Variants in SLC9A9 observed in about 807,000 individuals in gnomAD.
SLC9A9 encodes sodium/hydrogen exchanger 9.
SLC9A9 carries 62 observed loss-of-function variants against 77.8 expected under a neutral mutation model. The observed-to-expected ratio is 0.80, with a 90% confidence interval of 0.65 to 0.98. The LOEUF is 0.98. SLC9A9 is among the 50% of genes least tolerant of loss of function. The pLI, the probability that SLC9A9 is intolerant of heterozygous loss-of-function variation, is 0.00. For missense variants in SLC9A9, 775 were observed against 774.9 expected (o/e 1.00, Z 0.00); for synonymous variants, 320 against 283.5 (o/e 1.13, Z -1.29).
chr3:143,755,141 A>C (rs773656415), intron 4 of SLC9A9, among the ~76,000 whole-genome samples: 7 of 152,146 alleles, frequency 4.6e-5, no homozygotes, highest in Non-Finnish European at 1.0e-4. Context: ...GCTAGGAAAT[A>C]GGTGTTTGCA....
chr3:143,526,907 T>C (rs1407996765), intron 9 of SLC9A9, among the ~76,000 whole-genome samples: 1 of 152,170 alleles, frequency 6.6e-6, no homozygotes, highest in Non-Finnish European at 1.5e-5. Context: ...TCTTGTGGGG[T>C]AAGGGGCTTG....
intron 14 of SLC9A9, among the ~76,000 whole-genome samples, chr3:143,306,628 AACAAATACATAAAACCTG>A (rs1228918319): frequency 6.6e-6 from 1 of 152,162 alleles, no homozygotes; most frequent in Non-Finnish European, 1.5e-5. Context: ...ATGCCTGTTA[AACAAATACATAAAACCTG>A]ACCCAGGTCA....
chr3:143,322,350 G>C lies in SLC9A9; in HGVS notation c.1604+41134C>G, dbSNP rs6799800. On this transcript the variant is annotated intron_variant, in intron 14 of 15. Coordinates refer to ENST00000316549, the MANE Select transcript of SLC9A9 (RefSeq NM_173653.4). ...AGAGAGTCTTCAATCTCTCTGGCTT[G>C]CAATTGAGGCATCAGTCTTCTGCCT... 1.4e-4 allele frequency among the ~76,000 whole-genome samples: 21 copies of C among 152,042 alleles called. 1 individual carries two copies. In the South Asian group the frequency reaches 4.4e-3, roughly 32 times the overall value.
chr3:143,771,977 G>A (rs1003347924), intron 4 of SLC9A9, among the ~76,000 whole-genome samples: 8 of 152,044 alleles, frequency 5.3e-5, no homozygotes, highest in Non-Finnish European at 8.8e-5. Flanking sequence ...CTGCTGAGCT[G>A]CGGCTGGGCA....
chr3:143,359,149 T>A (rs2032671792), intron 14 of SLC9A9, among the ~76,000 whole-genome samples: 1 of 152,230 alleles, frequency 6.6e-6, no homozygotes, highest in African/African-American at 2.4e-5. Context: ...GCTACATCAA[T>A]GCCTGAAATG....
At chr3:143,799,059 C>A (rs370633239) in intron 2 of SLC9A9, among the ~76,000 whole-genome samples, 134 of 152,310 alleles carry the variant, frequency 8.8e-4, no homozygotes, top group African/African-American at 3.1e-3. Context: ...AGTCCTCCCC[C>A]ACCTGCCCAG....
intron 12 of SLC9A9, among the ~76,000 whole-genome samples, chr3:143,461,265 A>G (rs1301152375): frequency 6.6e-5 from 10 of 152,206 alleles, no homozygotes; most frequent in Admixed American, 6.5e-4. Context: ...TTATCATTTT[A>G]AATGCAGAAA....
At chr3:143,690,806 T>A (rs1933440033) in intron 5 of SLC9A9, among the ~76,000 whole-genome samples, 1 of 152,178 alleles carries the variant, frequency 6.6e-6, no homozygotes, top group African/African-American at 2.4e-5. Flanking sequence ...TTTGCCCTGC[T>A]TTTGTTGCTT....
At position 143,420,171 on chromosome 3, in the gene SLC9A9, C is replaced by A. The variant is rs558639121; in HGVS notation, c.1470-38057G>T. Among the ~76,000 whole-genome samples, 5 of 152,232 alleles carry A rather than the reference C, an allele frequency of 3.3e-5. No homozygotes were observed. The South Asian group carries it at 1.0e-3, about 32-fold the overall frequency. Reference sequence around the variant, plus strand: ...CTTGCACATTGGGTCCAATCTGTACCCAGACATTTACTGGCTGTGTGGCCT... The same window carrying A: ...CTTGCACATTGGGTCCAATCTGTACACAGACATTTACTGGCTGTGTGGCCT... On this transcript the variant is annotated intron_variant, in intron 12 of 15. Coordinates refer to ENST00000316549, the MANE Select transcript of SLC9A9 (RefSeq NM_173653.4).
intron 2 of SLC9A9, among the ~76,000 whole-genome samples, chr3:143,829,037 T>C (rs925232400): frequency 6.6e-6 from 1 of 152,184 alleles, no homozygotes; most frequent in Non-Finnish European, 1.5e-5. Flanking sequence ...AGCTTCCCAA[T>C]GATTCCAAAG....
intron 13 of SLC9A9, among the ~76,000 whole-genome samples, chr3:143,381,022 C>T (rs1375461066): frequency 6.6e-6 from 1 of 152,138 alleles, no homozygotes; most frequent in African/African-American, 2.4e-5. Flanking sequence ...CTAATTTCAG[C>T]AAAAAGGTGT....
At chr3:143,296,107 A>G (rs1559856473) in intron 14 of SLC9A9, among the ~76,000 whole-genome samples, 1 of 152,222 alleles carries the variant, frequency 6.6e-6, no homozygotes, top group Non-Finnish European at 1.5e-5. Flanking sequence ...CACAAATCTT[A>G]AGTGCATAAT....
rs530889739 is a variant in SLC9A9, at chr3:143,492,030, A to C, written c.1315+1623T>G. Among the ~76,000 whole-genome samples, 4 of 151,938 alleles carry C rather than the reference A, an allele frequency of 2.6e-5. No homozygotes were observed. The East Asian group carries it at 7.8e-4, about 29-fold the overall frequency. ...CCACTTGGCCGGGTGTGGTGGCTCA[A>C]GCCTGTAATCCCAGCACTTTGGGAG... On this transcript the variant is annotated intron_variant, in intron 11 of 15. Coordinates refer to ENST00000316549, the MANE Select transcript of SLC9A9 (RefSeq NM_173653.4).
chr3:143,511,286 TC>T (rs1360719044), intron 9 of SLC9A9, among the ~76,000 whole-genome samples: 1 of 152,192 alleles, frequency 6.6e-6, no homozygotes, highest in Non-Finnish European at 1.5e-5. Flanking sequence ...GCTATGGCCA[TC>T]CTTTCCCTTG....
chr3:143,582,808 C>T (rs780050711), intron 6 of SLC9A9, among the ~76,000 whole-genome samples: 2 of 152,124 alleles, frequency 1.3e-5, no homozygotes, highest in African/African-American at 4.8e-5. Flanking sequence ...GGAGGATGTT[C>T]TATAAGCAAA....
chr3:143,504,557 G>C (rs2035978640), intron 9 of SLC9A9, among the ~76,000 whole-genome samples: 1 of 152,132 alleles, frequency 6.6e-6, no homozygotes, highest in Admixed American at 6.5e-5. Flanking sequence ...AAGATTTACA[G>C]TTACATATAG....
chr3:143,761,932 G>A (rs2007139130), intron 4 of SLC9A9, among the ~76,000 whole-genome samples: 1 of 152,150 alleles, frequency 6.6e-6, no homozygotes, highest in South Asian at 2.1e-4. Context: ...CAAAGACATG[G>A]AACCAACCCA....
rs538006320 is a variant in SLC9A9 at position 143,789,729 on chromosome 3, C to T, written c.533+5272G>A. ...CCCCAGTTGAGCAGGCACAGTGGCA[C>T]ACAAGAGGGCAGAGGGAGAGTGTCC... On this transcript the variant is annotated intron_variant, in intron 4 of 15. Coordinates refer to ENST00000316549, the MANE Select transcript of SLC9A9 (RefSeq NM_173653.4). 2.9e-3 allele frequency among the ~76,000 whole-genome samples: 437 copies of T among 152,186 alleles called. 1 individual carries two copies. Among genetic ancestry groups the T allele is most frequent in the Non-Finnish European group, 5.4e-3 (368 of 67,982 alleles).
At chr3:143,666,904 G>GC (rs2039079046) in intron 5 of SLC9A9, among the ~76,000 whole-genome samples, 1 of 152,134 alleles carries the variant, frequency 6.6e-6, no homozygotes, top group Non-Finnish European at 1.5e-5. Context: ...TGGCCATACT[G>GC]CCCAAGGTAA....
Sources: allele counts gnomAD v4.1 joint callset (sites outside exome capture counted in the v4.1 genomes callset), GRCh38; gene constraint gnomAD v4.1.1; transcripts MANE v1.5; gene names NCBI Gene and HGNC (gene_info 2026-07-23, HGNC 2026-07-21).